TSHZ3: variants seen among roughly 807,000 people sequenced by gnomAD.
The protein encoded by TSHZ3 is teashirt zinc finger homeobox 3.
A neutral mutation model predicts 64.5 loss-of-function variants in TSHZ3; 10 were observed. That is an observed-to-expected ratio of 0.16 (90% CI 0.10 to 0.26). The LOEUF is 0.26. Ranked by LOEUF, TSHZ3 falls within the 10% of genes least tolerant of loss-of-function variation. The probability of loss-of-function intolerance (pLI) is 1.00; values close to 1 mark genes in which losing one functional copy is unlikely to be tolerated. For missense variants in TSHZ3, 1,242 were observed against 1,421.7 expected (o/e 0.87, Z 2.03); for synonymous variants, 608 against 593.1 (o/e 1.03, Z -0.36).
intron 1 of TSHZ3, among the ~76,000 whole-genome samples, chr19:31,287,469 G>C (rs928925249): frequency 3.2e-4 from 48 of 152,130 alleles, no homozygotes; most frequent in Non-Finnish European, 6.5e-4. Flanking sequence ...AGCCAGGAGG[G>C]AGAGGAAGAG....
At chr19:31,347,614 G>A (rs975173817) in intron 1 of TSHZ3, among the ~76,000 whole-genome samples, 4 of 152,150 alleles carry the variant, frequency 2.6e-5, no homozygotes, top group African/African-American at 9.7e-5. Context: ...CAAGAAGCAA[G>A]CTCCAGGAGG....
chr19:31,209,630 G>C (rs7252031), intron 4 of TSHZ3, among the ~76,000 whole-genome samples: 109,277 of 152,090 alleles, frequency 0.72, 39,799 homozygotes, highest in African/African-American at 0.85. Flanking sequence ...GTTGTTAAGC[G>C]TTTGGTCATG....
chr19:31,196,183 A>G (rs1599575430), intron 5 of TSHZ3, among the ~76,000 whole-genome samples: 1 of 151,974 alleles, frequency 6.6e-6, no homozygotes, highest in East Asian at 1.9e-4. Flanking sequence ...TTATTAAAGT[A>G]TTCACATTAT....
intron 1 of TSHZ3, among the ~76,000 whole-genome samples, chr19:31,329,436 C>T (rs570071930): frequency 1.3e-5 from 2 of 152,354 alleles, no homozygotes; most frequent in East Asian, 1.9e-4. Flanking sequence ...TCAGCCCTGG[C>T]AATGGGCACG....
In TSHZ3 at chr19:31,278,089, C is replaced by T. The variant is rs772639035; in HGVS notation, c.1704G>A (p.Gly568=). The T allele has an allele frequency of 6.2e-7, 1 of 1,614,150 alleles. No homozygotes were observed. Among genetic ancestry groups the T allele is most frequent in the South Asian group, 1.1e-5 (1 of 91,082 alleles). Residue 568 remains glycine, a synonymous_variant, in exon 2 of 2, where the codon GGG becomes GGA. Coordinates refer to ENST00000240587, the MANE Select transcript of TSHZ3 (RefSeq NM_020856.4). This position sits in a 1 kb window ranked among gnomAD's most constrained non-coding sequence, Gnocchi z 4.7. ...ACATGGGTTTCAGGGGCGTGCTCTT[C>T]CCCGACGAGCCCAGGGACAACTTCA... The part of the protein sequence containing the change: ...NMMKLSLGSS[G]KSTPLKPMFG...
At chr19:31,345,107 C>T (rs1917548344) in intron 1 of TSHZ3, among the ~76,000 whole-genome samples, 1 of 152,162 alleles carries the variant, frequency 6.6e-6, no homozygotes, top group South Asian at 2.1e-4. Flanking sequence ...AATAGCCTTG[C>T]CTCCCACCTC....
At chr19:31,181,660 G>A (rs950657574) in intron 5 of TSHZ3, among the ~76,000 whole-genome samples, 1 of 152,108 alleles carries the variant, frequency 6.6e-6, no homozygotes, top group African/African-American at 2.4e-5. Context: ...GTGTTTTGTT[G>A]GTGTGCCCAC....
rs1215947040 is a variant in TSHZ3, at chr19:31,276,655, G to A, written c.3138C>T (p.Cys1046=). 2.5e-6 allele frequency: 4 copies of A among 1,613,188 alleles called. No individual in the cohort carries two copies. Among genetic ancestry groups the A allele is most frequent in the South Asian group, 1.1e-5 (1 of 91,024 alleles). The change falls in exon 2 of 2, where the codon TGC becomes TGT. Residue 1046 remains cysteine (C), a synonymous_variant. Transcript: ENST00000240587. ...CGTGCTTGCTGGCAAAGGTCCGATTGCAAAGTTTGCACTGATAGGAAGTCC... is the reference window on the plus strand; with the variant it reads ...CGTGCTTGCTGGCAAAGGTCCGATTACAAAGTTTGCACTGATAGGAAGTCC... ...DLGTSYQCKL[C]NRTFASKHAV... is the part of the protein sequence containing the mutation.
At chr19:31,316,350 G>A (rs1916601943) in intron 1 of TSHZ3, among the ~76,000 whole-genome samples, 1 of 152,170 alleles carries the variant, frequency 6.6e-6, no homozygotes, top group African/African-American at 2.4e-5. Flanking sequence ...GAATTAAAGG[G>A]GAAGACGGCA....
intron 3 of TSHZ3, among the ~76,000 whole-genome samples, chr19:31,232,332 A>G: frequency 6.6e-6 from 1 of 152,214 alleles, no homozygotes; most frequent in East Asian, 1.9e-4. Context: ...GCAGAGGCCA[A>G]CAAGCAGTGA....
intron 1 of TSHZ3, chr19:31,305,449 T>A (rs1358946050): frequency 6.6e-6 from 1 of 152,146 alleles, no homozygotes; most frequent in African/African-American, 2.4e-5. Flanking sequence ...AATAAAATGA[T>A]CAGTTCCCCA....
intron 4 of TSHZ3, among the ~76,000 whole-genome samples, chr19:31,206,945 G>A (rs1975187001): frequency 6.6e-6 from 1 of 152,184 alleles, no homozygotes. Flanking sequence ...CAATATTGAG[G>A]AAAGTCCTAG....
At chr19:31,239,332 C>T (rs1275400125) in intron 3 of TSHZ3, among the ~76,000 whole-genome samples, 3 of 151,958 alleles carry the variant, frequency 2.0e-5, no homozygotes, top group African/African-American at 4.8e-5. Context: ...AAAAGGGAGG[C>T]TTTTATATTT....
At chr19:31,158,010 TTCAGGCAGAACAATGTATTTTAGAC>T (rs1974328150) in intron 5 of TSHZ3, among the ~76,000 whole-genome samples, 1 of 152,182 alleles carries the variant, frequency 6.6e-6, no homozygotes, top group Non-Finnish European at 1.5e-5. Flanking sequence ...AGGGCTAAAG[TTCAGGCAGAACAATGTATTTTAGAC>T]AAATAAATAA....
At chr19:31,273,664 C>T (rs368532195), downstream of TSHZ3, among the ~76,000 whole-genome samples, 3 of 152,274 alleles carry the variant, frequency 2.0e-5, no homozygotes, top group African/African-American at 7.2e-5. Context: ...TGTGAAGATG[C>T]GGAAGGCACG....
intron 1 of TSHZ3, among the ~76,000 whole-genome samples, chr19:31,301,598 G>C (rs897356509): frequency 6.6e-6 from 1 of 152,168 alleles, no homozygotes; most frequent in Non-Finnish European, 1.5e-5. Flanking sequence ...CATCGTCATA[G>C]AGCAGGAGAC....
At chr19:31,191,029 C>A (rs531821267) in intron 5 of TSHZ3, among the ~76,000 whole-genome samples, 3 of 151,832 alleles carry the variant, frequency 2.0e-5, no homozygotes, top group Non-Finnish European at 4.4e-5. Context: ...AAAGAAAATA[C>A]CAATAAATTA....
At chr19:31,188,510 GT>G (rs981519451) in intron 5 of TSHZ3, among the ~76,000 whole-genome samples, 2 of 151,790 alleles carry the variant, frequency 1.3e-5, no homozygotes, top group Non-Finnish European at 2.9e-5. Context: ...TCACAAAAAA[GT>G]TTTTTTATGA....
At chr19:31,162,549 T>C (rs1232501027) in intron 5 of TSHZ3, among the ~76,000 whole-genome samples, 1 of 152,138 alleles carries the variant, frequency 6.6e-6, no homozygotes. Context: ...GAGTCTTGCC[T>C]CTCTTTCCTT....
Sources: gnomAD v4.1 joint callset for allele counts (sites outside exome capture counted in the v4.1 genomes callset) on GRCh38, gnomAD v4.1.1 for gene constraint, Gnocchi (gnomAD v3.1) non-coding constraint, MANE v1.5 for transcripts, NCBI Gene and HGNC (gene_info 2026-07-23, HGNC 2026-07-21) for gene names.